The following ZMYND8 variants were observed in gnomAD, a reference collection of about 807,000 sequenced individuals.
The protein encoded by ZMYND8 is MYND-type zinc finger-containing chromatin reader ZMYND8.
A neutral mutation model predicts 140.8 loss-of-function variants in ZMYND8; 37 were observed. The ratio of observed to expected loss-of-function variants is 0.26; its 90% CI spans 0.20 to 0.35. ZMYND8 has a LOEUF of 0.35. ZMYND8 is among the 10% of genes least tolerant of loss of function. The pLI is 1.00. For synonymous variants in ZMYND8, 592 were observed against 597.1 expected (o/e 0.99, Z 0.12); for missense variants, 1,068 against 1,570.0 (o/e 0.68, Z 5.40).
Position 47,239,092 on chromosome 20 carries a change from G to C in ZMYND8, c.2331C>G (p.Pro777=), listed in dbSNP as rs747882482. ...AGCGGGTGAGCACCGGTGTTTCCGG[G>C]GGAGAATGGCTGCCCACCGTCGTGG... ...PPSTTVGSHS[P]PETPVLTRSS... is the part of the protein sequence containing the mutation. Residue 777 remains proline, a synonymous_variant, in exon 15 of 23, where the codon CCC becomes CCG. Transcript: ENST00000471951. 6.6e-7 allele frequency: 1 copy of C among 1,523,570 alleles called. No homozygotes were observed. The highest frequency in any genetic ancestry group is 8.8e-7 in the Non-Finnish European group (1 of 1,138,092). 94.4% of individuals were successfully genotyped at this position (1,523,570 alleles called of 1,614,324 possible).
At chr20:47,320,220 A>G (rs1363475427) in intron 2 of ZMYND8, 2 of 152,236 alleles carry the variant, frequency 1.3e-5, no homozygotes, top group African/African-American at 4.8e-5. Flanking sequence ...GGGGCAGATG[A>G]AGGAAGAGGC....
chr20:47,313,654 G>A (rs1009682098), intron 2 of ZMYND8, among the ~76,000 whole-genome samples: 1 of 151,198 alleles, frequency 6.6e-6, no homozygotes, highest in Non-Finnish European at 1.5e-5. Context: ...TAATTAGGCT[G>A]GGGACGGTGG....
chr20:47,234,248 G>A (rs906185439), intron 16 of ZMYND8, among the ~76,000 whole-genome samples: 1 of 152,092 alleles, frequency 6.6e-6, no homozygotes, highest in Non-Finnish European at 1.5e-5. Context: ...GGGGTTTCAC[G>A]ATGTTGCCCA....
intron 12 of ZMYND8, among the ~76,000 whole-genome samples, chr20:47,255,743 TATATATATATATATATATATAC>T (rs1293806661): frequency 7.9e-5 from 4 of 50,938 alleles, no homozygotes; most frequent in Admixed American, 1.7e-4. Context: ...TATATATATA[TATATATATATATATATATATAC>T]GGTATATATA....
At chr20:47,219,268 G>C (rs1210290075) in intron 21 of ZMYND8, among the ~76,000 whole-genome samples, 1 of 151,620 alleles carries the variant, frequency 6.6e-6, no homozygotes, top group Non-Finnish European at 1.5e-5. Flanking sequence ...ATGTTGGTCA[G>C]GCTGGTCTCA....
intron 1 of ZMYND8, among the ~76,000 whole-genome samples, chr20:47,350,329 A>AG (rs2082670524): frequency 2.7e-5 from 2 of 73,740 alleles, no homozygotes; most frequent in African/African-American, 2.0e-4. Flanking sequence ...TTAAAAGGAG[A>AG]AAAAAAAAAA....
chr20:47,300,930 G>GTGTGTGTGTGTA lies in ZMYND8; in HGVS notation c.235-1984_235-1983insTACACACACACA, dbSNP rs757554886. 3.5e-3 allele frequency among the ~76,000 whole-genome samples: 495 copies of GTGTGTGTGTGTA among 141,382 alleles called. 11 individuals are homozygous for GTGTGTGTGTGTA. The highest frequency in any genetic ancestry group is 9.2e-3 in the African/African-American group (347 of 37,576). The allele number at this position is 141,382 out of a possible 152,430, so 92.8% of individuals were successfully genotyped here. A position where few individuals can be genotyped will look rare whatever the true frequency, so the allele number is the denominator to read the frequency against. On this transcript the variant is annotated intron_variant, in intron 3 of 22. Transcript: ENST00000471951. Reference sequence around the variant, plus strand: ...TGTGTGTGTGTGTGTGTGTGTGTGTGTGTGTTTTGTTTTGTTTTTTTTGTA... The same window carrying GTGTGTGTGTGTA: ...TGTGTGTGTGTGTGTGTGTGTGTGTGTGTGTGTGTGTATGTGTTTTGTTTTGTTTTTTTTGTA...
intron 10 of ZMYND8, among the ~76,000 whole-genome samples, chr20:47,277,626 A>G (rs1042965714): frequency 3.3e-5 from 5 of 150,658 alleles, no homozygotes; most frequent in African/African-American, 1.2e-4. Context: ...TTTGTGGGGG[A>G]TTTTTTGTTT....
chr20:47,222,637 A>T (rs895002499), intron 19 of ZMYND8, among the ~76,000 whole-genome samples: 6 of 152,240 alleles, frequency 3.9e-5, no homozygotes, highest in African/African-American at 1.4e-4. Context: ...CATTTTGGCC[A>T]TCTTGGCAAA....
At chr20:47,259,335 C>T (rs1161208254) in intron 12 of ZMYND8, among the ~76,000 whole-genome samples, 3 of 152,104 alleles carry the variant, frequency 2.0e-5, no homozygotes, top group Non-Finnish European at 4.4e-5. Flanking sequence ...ATGGGAGCCC[C>T]GAAAGCAACT....
At chr20:47,286,190 T>TC (rs2076911414) in intron 8 of ZMYND8, among the ~76,000 whole-genome samples, 1 of 151,708 alleles carries the variant, frequency 6.6e-6, no homozygotes, top group South Asian at 2.1e-4. Flanking sequence ...TTTTTTTTTT[T>TC]TCTCGGAGAC....
At chr20:47,219,523 C>CA (rs11482247) in intron 21 of ZMYND8, among the ~76,000 whole-genome samples, 54,233 of 134,776 alleles carry the variant, frequency 0.4, 10,316 homozygotes, top group Middle Eastern at 0.44. Context: ...AAGACTGTCT[C>CA]AAAAAAAAAA....
chr20:47,294,869 G>T, intron 4 of ZMYND8, 90 bp from the exon 5 acceptor site: 1 of 1,221,866 alleles, frequency 8.2e-7, no homozygotes, highest in Non-Finnish European at 1.2e-6. Flanking sequence ...TCAACTGACA[G>T]ACAAAAAGCA....
At chr20:47,259,782 A>G (rs926331678) in intron 12 of ZMYND8, among the ~76,000 whole-genome samples, 1 of 152,156 alleles carries the variant, frequency 6.6e-6, no homozygotes, top group Non-Finnish European at 1.5e-5. Flanking sequence ...AGGCTGTCCT[A>G]TGCACTGGGG....
At chr20:47,346,594 C>T (rs964288211) in intron 2 of ZMYND8, among the ~76,000 whole-genome samples, 4 of 152,026 alleles carry the variant, frequency 2.6e-5, no homozygotes, top group Non-Finnish European at 5.9e-5. Flanking sequence ...CTCAACTTTG[C>T]CCCAAAATGA....
intron 11 of ZMYND8, among the ~76,000 whole-genome samples, chr20:47,272,060 G>T (rs1015798874): frequency 1.3e-5 from 2 of 151,818 alleles, no homozygotes; most frequent in African/African-American, 2.4e-5. Flanking sequence ...AAAAAAAGGG[G>T]GGGGGGAGTA....
chr20:47,227,331 C>T (rs1174045712), intron 17 of ZMYND8, 50 bp from the exon 18 acceptor site: 1 of 1,578,062 alleles, frequency 6.3e-7, no homozygotes, highest in Non-Finnish European at 8.7e-7. Context: ...TGCAGTTCAC[C>T]AGGAGGGCTC....
intron 2 of ZMYND8, among the ~76,000 whole-genome samples, chr20:47,334,626 A>ATT (rs199789359): frequency 0.021 from 3,153 of 149,024 alleles, 121 homozygotes; most frequent in African/African-American, 0.073. Flanking sequence ...ATATATATAT[A>ATT]TTTTAGGCAG....
intron 14 of ZMYND8, among the ~76,000 whole-genome samples, chr20:47,243,311 A>C (rs1442491943): frequency 1.3e-5 from 2 of 152,158 alleles, no homozygotes; most frequent in Non-Finnish European, 2.9e-5. Context: ...CAAGACCCAA[A>C]CCACCATCAG....
Sources: allele counts gnomAD v4.1 joint callset (sites outside exome capture counted in the v4.1 genomes callset), GRCh38; gene constraint gnomAD v4.1.1; transcripts MANE v1.5; gene names NCBI Gene and HGNC (gene_info 2026-07-23, HGNC 2026-07-21).